The following DSCAM variants were observed in gnomAD, a reference collection of about 807,000 sequenced individuals.
The protein encoded by DSCAM is DS cell adhesion molecule.
In DSCAM, 47 loss-of-function variants were observed where a neutral mutation model predicts 217.7. That is an observed-to-expected ratio of 0.22 (90% CI 0.17 to 0.28). The LOEUF (loss-of-function observed/expected upper bound fraction) is 0.28, where lower values mean the gene tolerates loss of function less well. Among genes scored for constraint, DSCAM ranks in the 10% least tolerant of loss-of-function variants. DSCAM has a pLI of 1.00. For synonymous variants in DSCAM, 1,056 were observed against 1,015.3 expected, an observed-to-expected ratio of 1.04 and a Z score of -0.76; for missense variants, 2,080 against 2,618.3, an observed-to-expected ratio of 0.79 and a Z score of 4.49.
At chr21:40,634,059 T>C (rs1298807341) in intron 3 of DSCAM, among the ~76,000 whole-genome samples, 3 of 152,122 alleles carry the variant, frequency 2.0e-5, no homozygotes, top group Non-Finnish European at 4.4e-5. Flanking sequence ...ATTTATTCCT[T>C]AGTGGGATAT....
At chr21:40,605,179 T>TA (rs1286230684) in intron 3 of DSCAM, among the ~76,000 whole-genome samples, 2 of 152,162 alleles carry the variant, frequency 1.3e-5, no homozygotes, top group African/African-American at 4.8e-5. Context: ...CTCACATACT[T>TA]AGTCTCCAGC....
intron 3 of DSCAM, among the ~76,000 whole-genome samples, chr21:40,645,760 T>C (rs1365814541): frequency 6.6e-6 from 1 of 152,222 alleles, no homozygotes; most frequent in African/African-American, 2.4e-5. Context: ...GTGGTTATTA[T>C]ACAATTATTT....
At chr21:40,442,911 G>A (rs187769782) in intron 3 of DSCAM, among the ~76,000 whole-genome samples, 71 of 152,144 alleles carry the variant, frequency 4.7e-4, no homozygotes, top group East Asian at 1.7e-3. Flanking sequence ...TCTCTTCCCC[G>A]GTACATGTGT....
intron 20 of DSCAM, among the ~76,000 whole-genome samples, chr21:40,115,084 A>C (rs1376414674): frequency 6.6e-6 from 1 of 152,226 alleles, no homozygotes; most frequent in Non-Finnish European, 1.5e-5. Flanking sequence ...AAAGGATTAT[A>C]AAACATGCTG....
intron 11 of DSCAM, among the ~76,000 whole-genome samples, chr21:40,224,185 A>C (rs1199111353): frequency 6.6e-6 from 1 of 152,226 alleles, no homozygotes; most frequent in Admixed American, 6.5e-5. Flanking sequence ...TCCCCCAAGA[A>C]ATCAAAGCAG....
intron 1 of DSCAM, among the ~76,000 whole-genome samples, chr21:40,836,138 T>A (rs921801738): frequency 6.6e-6 from 1 of 152,140 alleles, no homozygotes; most frequent in Non-Finnish European, 1.5e-5. Context: ...TTCTAGCTCA[T>A]CTCTTAAGCT....
At chr21:40,444,752 G>A (rs951866034) in intron 3 of DSCAM, among the ~76,000 whole-genome samples, 1 of 152,126 alleles carries the variant, frequency 6.6e-6, no homozygotes, top group African/African-American at 2.4e-5. Flanking sequence ...AAGGGAATAG[G>A]ATCAAGGTCT....
At chr21:40,048,420 C>A (rs868024833) in intron 30 of DSCAM, among the ~76,000 whole-genome samples, 7 of 152,160 alleles carry the variant, frequency 4.6e-5, no homozygotes, top group African/African-American at 1.7e-4. Context: ...TTATAATCCA[C>A]AGGAAAGACA....
At chr21:40,825,842 T>G (rs2091964403) in intron 1 of DSCAM, among the ~76,000 whole-genome samples, 1 of 152,158 alleles carries the variant, frequency 6.6e-6, no homozygotes, top group Non-Finnish European at 1.5e-5. Flanking sequence ...GCAGAAACTA[T>G]TGTCACACAG....
chr21:40,320,121 T>C (rs2074243998), intron 8 of DSCAM, among the ~76,000 whole-genome samples: 1 of 152,054 alleles, frequency 6.6e-6, no homozygotes, highest in Non-Finnish European at 1.5e-5. Flanking sequence ...GGTTGAGAGG[T>C]GCAGCATACC....
rs534123358 is a variant in DSCAM at position 40,779,737 on chromosome 21, A to T, written c.43+66882T>A. 1.3e-3 allele frequency among the ~76,000 whole-genome samples: 183 copies of T among 138,852 alleles called. 1 individual carries two copies. Among genetic ancestry groups the T allele is most frequent in the African/African-American group, 4.4e-3 (181 of 40,924 alleles). The allele number at this position is 138,852 out of a possible 152,430, so 91.1% of individuals were successfully genotyped here. Reference sequence around the variant, plus strand: ...GCCAGGACTTGAGTGACCTGGAGGGACAGCCGGGCCTGGCAAAGGGATGGC... The same window carrying T: ...GCCAGGACTTGAGTGACCTGGAGGGTCAGCCGGGCCTGGCAAAGGGATGGC... On this transcript the variant is annotated intron_variant, in intron 1 of 32. Coordinates refer to ENST00000400454, the MANE Select transcript of DSCAM (RefSeq NM_001389.5).
chr21:40,405,171 T>C (rs375066646), intron 3 of DSCAM, among the ~76,000 whole-genome samples: 7 of 152,342 alleles, frequency 4.6e-5, no homozygotes, highest in East Asian at 3.9e-4. Context: ...ATTTTCATAC[T>C]GAGTGATGCT....
rs563204739 is a variant in DSCAM, at chr21:40,724,744, G to A, written c.44-15973C>T. On this transcript the variant is annotated intron_variant, in intron 1 of 32. Transcript: ENST00000400454. ...TAAACCTTTCACTCCAGCATTAAGT[G>A]AAAACACTGAAGTGAAATGACAAAA... is the stretch of plus-strand genomic sequence containing the variant. 2.0e-5 allele frequency among the ~76,000 whole-genome samples: 3 copies of A among 152,274 alleles called. No homozygotes were observed. The East Asian group carries it at 5.8e-4, about 29-fold the overall frequency.
Position 40,173,765 on chromosome 21 carries a change from G to A in DSCAM, c.2947+5162C>T, listed in dbSNP as rs183405630. Among the ~76,000 whole-genome samples the A allele has an allele frequency of 9.9e-3, 1,511 of 152,254 alleles. 17 individuals carry two copies. Among genetic ancestry groups the A allele is most frequent in the Middle Eastern group, 0.031 (9 of 294 alleles). ...GCTGCTGCCCCGGAATGGGAGGAAA[G>A]ATGAGGCAAGGACTTAACTCAGTGC... is the stretch of plus-strand genomic sequence containing the variant. On this transcript the variant is annotated intron_variant, in intron 15 of 32. Transcript: ENST00000400454.
chr21:40,251,620 A>G (rs1355737330), intron 11 of DSCAM, among the ~76,000 whole-genome samples: 1 of 152,070 alleles, frequency 6.6e-6, no homozygotes, highest in Non-Finnish European at 1.5e-5. Flanking sequence ...CCTAAGAAAC[A>G]CCCTGTAGTG....
intron 3 of DSCAM, among the ~76,000 whole-genome samples, chr21:40,490,890 T>C (rs973460646): frequency 6.6e-6 from 1 of 152,222 alleles, no homozygotes; most frequent in Non-Finnish European, 1.5e-5. Flanking sequence ...TTCTCTAAAA[T>C]TGCCAAACTT....
intron 3 of DSCAM, among the ~76,000 whole-genome samples, chr21:40,554,089 C>G (rs890781036): frequency 6.6e-6 from 1 of 152,018 alleles, no homozygotes; most frequent in African/African-American, 2.4e-5. Context: ...TTACTACAAC[C>G]TCAAACTCCT....
chr21:40,620,390 A>AAGAGAGAGAAAAAAGAAAAAG lies in DSCAM; in HGVS notation c.508+72419_508+72420insCTTTTTCTTTTTTCTCTCTCT, dbSNP rs1202945615. ...AAAAAGAAAGAAAGAAAGAAAGAGA[A>AAGAGAGAGAAAAAAGAAAAAG]AGAAAGAAAGAAAGGAGGGAGGGAG... On this transcript the variant is annotated intron_variant, in intron 3 of 32. Coordinates refer to ENST00000400454, the MANE Select transcript of DSCAM (RefSeq NM_001389.5). Among the ~76,000 whole-genome samples the AAGAGAGAGAAAAAAGAAAAAG allele has an allele frequency of 3.8e-5, 3 of 79,314 alleles. 1 individual carries two copies. The highest frequency in any genetic ancestry group is 3.7e-5 in the African/African-American group (1 of 26,874). The allele number at this position is 79,314 out of a possible 152,430, so 52.0% of individuals were successfully genotyped here.
chr21:40,429,067 A>G (rs2075504866), intron 3 of DSCAM, among the ~76,000 whole-genome samples: 1 of 152,162 alleles, frequency 6.6e-6, no homozygotes. Flanking sequence ...GCAACAAGAC[A>G]TAATCTTTGC....
Sources: gnomAD v4.1 joint callset for allele counts (sites outside exome capture counted in the v4.1 genomes callset) on GRCh38, gnomAD v4.1.1 for gene constraint, MANE v1.5 for transcripts, NCBI Gene and HGNC (gene_info 2026-07-23, HGNC 2026-07-21) for gene names.